Variants in LIN7A observed in about 807,000 individuals in gnomAD.
The protein encoded by LIN7A is lin-7 cell polarity scaffold A.
A neutral mutation model predicts 29.8 loss-of-function variants in LIN7A; 25 were observed. That is an observed-to-expected ratio of 0.84 (90% confidence interval 0.61 to 1.17). The LOEUF (loss-of-function observed/expected upper bound fraction) is 1.17. LIN7A is among the 50% of genes most tolerant of loss of function. LIN7A has a pLI of 0.00. For synonymous variants in LIN7A, 118 were observed against 107.5 expected, an observed-to-expected ratio of 1.10 and a Z score of -0.60; for missense variants, 239 against 287.0, an observed-to-expected ratio of 0.83 and a Z score of 1.21.
At chr12:80,930,079 G>A (rs553686848) in intron 1 of LIN7A, among the ~76,000 whole-genome samples, 362 of 152,180 alleles carry the variant, frequency 2.4e-3, no homozygotes, top group Non-Finnish European at 4.5e-3. Flanking sequence ...AACAAAAGAT[G>A]TTATATTGAA....
At chr12:80,835,643 C>A (rs1051466217) in intron 4 of LIN7A, among the ~76,000 whole-genome samples, 1 of 152,084 alleles carries the variant, frequency 6.6e-6, no homozygotes, top group African/African-American at 2.4e-5. Context: ...AGGTATCCAG[C>A]GTAATGCCAG....
intron 1 of LIN7A, among the ~76,000 whole-genome samples, chr12:80,935,352 G>A (rs1390863239): frequency 6.6e-6 from 1 of 152,126 alleles, no homozygotes; most frequent in African/African-American, 2.4e-5. Flanking sequence ...CTCCCAGTAG[G>A]TGACCAAAAA....
Position 80,804,683 on chromosome 12 carries a change from C to T in LIN7A, c.*6782G>A, listed in dbSNP as rs531125777. Among the ~76,000 whole-genome samples the T allele has an allele frequency of 3.9e-4, 59 of 151,784 alleles. 1 individual carries two copies. In the South Asian group the frequency reaches 8.6e-3, roughly 22 times the overall value. On this transcript the variant is annotated intron_variant, in intron 5 of 5. Coordinates refer to ENST00000552864, the MANE Select transcript of LIN7A (RefSeq NM_004664.4). ...ACTCCAAAGTAGCTGGGATTATAGG[C>T]GTGTGTCACCAGCTCTGGCTAATTT...
chr12:80,807,077 T>TTTTTTTTTTTTTTTTTTTTTTG (rs1871053026), intron 5 of LIN7A, among the ~76,000 whole-genome samples: 1 of 115,538 alleles, frequency 8.7e-6, no homozygotes, highest in Non-Finnish European at 1.8e-5. Flanking sequence ...TTTTTTTTTT[T>TTTTTTTTTTTTTTTTTTTTTTG]TTTTTTTTTT....
intron 1 of LIN7A, among the ~76,000 whole-genome samples, chr12:80,916,357 T>TTC (rs371170465): frequency 6.6e-6 from 1 of 151,904 alleles, no homozygotes; most frequent in Non-Finnish European, 1.5e-5. Flanking sequence ...CTCTTTCTCT[T>TTC]TCTCTCTCTC....
chr12:80,927,310 C>T (rs1288142454), intron 1 of LIN7A, among the ~76,000 whole-genome samples: 1 of 151,704 alleles, frequency 6.6e-6, no homozygotes, highest in Non-Finnish European at 1.5e-5. Context: ...TACAGGCGCC[C>T]GCCACCGCGC....
chr12:80,931,174 A>G (rs1877880509), intron 1 of LIN7A, among the ~76,000 whole-genome samples: 1 of 152,184 alleles, frequency 6.6e-6, no homozygotes, highest in African/African-American at 2.4e-5. Flanking sequence ...ATCCCTGAAA[A>G]ACAACACTCA....
intron 2 of LIN7A, among the ~76,000 whole-genome samples, chr12:80,853,765 C>T (rs963709353): frequency 6.6e-6 from 1 of 152,060 alleles, no homozygotes; most frequent in African/African-American, 2.4e-5. Flanking sequence ...GGCACTATCT[C>T]GTCTCACTGT....
intron 1 of LIN7A, among the ~76,000 whole-genome samples, chr12:80,908,607 C>G (rs1016675987): frequency 6.6e-6 from 1 of 152,024 alleles, no homozygotes; most frequent in African/African-American, 2.4e-5. Context: ...CTTTTCTGCA[C>G]TTGAGACAAT....
intron 2 of LIN7A, among the ~76,000 whole-genome samples, chr12:80,854,970 G>A (rs560485154): frequency 6.6e-6 from 1 of 152,080 alleles, no homozygotes; most frequent in South Asian, 2.1e-4. Flanking sequence ...TTATCAGCAT[G>A]GAAAACAGTA....
chr12:80,934,313 G>T (rs1014479735), intron 1 of LIN7A, among the ~76,000 whole-genome samples: 1 of 152,090 alleles, frequency 6.6e-6, no homozygotes, highest in Non-Finnish European at 1.5e-5. Flanking sequence ...GGATATCAAG[G>T]ACTGGGACCA....
chr12:80,845,233 T>C (rs1592888537), intron 4 of LIN7A, among the ~76,000 whole-genome samples: 1 of 52,020 alleles, frequency 1.9e-5, no homozygotes, highest in East Asian at 7.1e-4. Flanking sequence ...TGAGATTCCA[T>C]CTCAAAAAAA....
intron 2 of LIN7A, among the ~76,000 whole-genome samples, chr12:80,885,452 C>T (rs1327541273): frequency 6.6e-6 from 1 of 152,042 alleles, no homozygotes; most frequent in East Asian, 1.9e-4. Context: ...ATGTGTCAGC[C>T]CATTTCTCTG....
chr12:80,803,721 A>C (rs1870831550), intron 5 of LIN7A, among the ~76,000 whole-genome samples: 1 of 152,218 alleles, frequency 6.6e-6, no homozygotes, highest in Middle Eastern at 3.2e-3. Context: ...TATAGGAAAC[A>C]ATAAATTTGT....
At chr12:80,874,559 A>T (rs1196600439) in intron 2 of LIN7A, among the ~76,000 whole-genome samples, 1 of 152,258 alleles carries the variant, frequency 6.6e-6, no homozygotes, top group Non-Finnish European at 1.5e-5. Context: ...ACTGAGGCAA[A>T]GAAAGGACAA....
chr12:80,841,142 G>A (rs1394231832), intron 4 of LIN7A, among the ~76,000 whole-genome samples: 1 of 151,934 alleles, frequency 6.6e-6, no homozygotes, highest in Admixed American at 6.6e-5. Flanking sequence ...CATATACAAG[G>A]TTGCTCTTCT....
chr12:80,930,582 C>T lies in LIN7A; in HGVS notation c.82+7059G>A, dbSNP rs553080130. Among the ~76,000 whole-genome samples the T allele has an allele frequency of 6.8e-4, 104 of 152,260 alleles. 5 individuals carry two copies. The Middle Eastern group carries it at 0.065, about 95-fold the overall frequency. ...GGGGGGCAATTCTATAGCAACTCCA[C>T]CCATTTAAAAAACCTTTTCAGTTGT... On this transcript the variant is annotated intron_variant, in intron 1 of 5. Coordinates refer to ENST00000552864, the MANE Select transcript of LIN7A (RefSeq NM_004664.4).
intron 4 of LIN7A, among the ~76,000 whole-genome samples, chr12:80,820,481 T>C (rs1871745529): frequency 6.6e-6 from 1 of 152,194 alleles, no homozygotes; most frequent in Non-Finnish European, 1.5e-5. Flanking sequence ...TTGGTTGACC[T>C]CAGCCCACCT....
intron 1 of LIN7A, among the ~76,000 whole-genome samples, chr12:80,936,134 C>A (rs1372126720): frequency 6.6e-6 from 1 of 152,080 alleles, no homozygotes; most frequent in Admixed American, 6.6e-5. Flanking sequence ...TGGTTCTTAC[C>A]GGCAATGGAT....
Sources: allele counts gnomAD v4.1 joint callset (sites outside exome capture counted in the v4.1 genomes callset), GRCh38; gene constraint gnomAD v4.1.1; transcripts MANE v1.5; gene names NCBI Gene and HGNC (gene_info 2026-07-23, HGNC 2026-07-21).